The following NRG3 variants were observed in gnomAD, a reference collection of about 807,000 sequenced individuals.
NRG3 encodes neuregulin 3.
NRG3 carries 31 observed loss-of-function variants against 66.9 expected under a neutral mutation model. That is an observed-to-expected ratio of 0.46 (90% CI 0.35 to 0.63). The LOEUF (loss-of-function observed/expected upper bound fraction) is 0.63, where lower values mean the gene tolerates loss of function less well. Among genes scored for constraint, NRG3 ranks in the 20% least tolerant of loss-of-function variants. NRG3 has a pLI of 0.00. For synonymous variants in NRG3, 393 were observed against 359.4 expected (o/e 1.09, Z -1.06); for missense variants, 910 against 878.9 (o/e 1.04, Z -0.45).
chr10:82,652,677 G>T (rs767199390), intron 2 of NRG3, among the ~76,000 whole-genome samples: 10 of 152,146 alleles, frequency 6.6e-5, no homozygotes, highest in Non-Finnish European at 1.0e-4. Flanking sequence ...GGAAAACAGG[G>T]ATGTCAGTTC....
intron 1 of NRG3, among the ~76,000 whole-genome samples, chr10:81,917,917 C>T (rs763888659): frequency 7.2e-5 from 11 of 152,158 alleles, no homozygotes; most frequent in Non-Finnish European, 1.0e-4. Context: ...TTTCTCTTTT[C>T]GCATGTTTTA....
chr10:82,713,415 G>T (rs2056793416), intron 2 of NRG3, among the ~76,000 whole-genome samples: 1 of 152,124 alleles, frequency 6.6e-6, no homozygotes, highest in Non-Finnish European at 1.5e-5. Context: ...TTTCAGTATG[G>T]TTAAAGGTAG....
intron 4 of NRG3, among the ~76,000 whole-genome samples, chr10:82,893,619 A>G (rs540010416): frequency 1.3e-5 from 2 of 152,092 alleles, no homozygotes; most frequent in African/African-American, 4.8e-5. Context: ...ACCAGGGAGT[A>G]GGAGGTTGCA....
intron 2 of NRG3, among the ~76,000 whole-genome samples, chr10:82,456,017 T>A (rs573683653): frequency 6.6e-6 from 1 of 152,312 alleles, no homozygotes; most frequent in Non-Finnish European, 1.5e-5. Flanking sequence ...ATTGTTTCAC[T>A]TTTTGCCTCT....
chr10:82,649,657 T>C (rs1339226712), intron 2 of NRG3, among the ~76,000 whole-genome samples: 1 of 151,950 alleles, frequency 6.6e-6, no homozygotes, highest in African/African-American at 2.4e-5. Flanking sequence ...TTTCACCATG[T>C]TGGCCAGACT....
chr10:82,174,198 A>G (rs1171658776), intron 1 of NRG3, among the ~76,000 whole-genome samples: 2 of 152,166 alleles, frequency 1.3e-5, no homozygotes, highest in Non-Finnish European at 1.5e-5. Flanking sequence ...TTGAAAGACT[A>G]GTAGTCCCAT....
chr10:82,547,045 G>A (rs142239518), intron 2 of NRG3, among the ~76,000 whole-genome samples: 3,900 of 151,990 alleles, frequency 0.026, 65 homozygotes, highest in Non-Finnish European at 0.036. Flanking sequence ...AAAAGATTAA[G>A]CAATCTATGC....
chr10:82,414,812 T>G (rs2088411909), intron 2 of NRG3, among the ~76,000 whole-genome samples: 1 of 152,118 alleles, frequency 6.6e-6, no homozygotes, highest in South Asian at 2.1e-4. Flanking sequence ...TGTTGGCAAG[T>G]TCAAAGCCTG....
At chr10:82,121,137 C>T (rs2068064115) in intron 1 of NRG3, among the ~76,000 whole-genome samples, 1 of 152,050 alleles carries the variant, frequency 6.6e-6, no homozygotes, top group South Asian at 2.1e-4. Flanking sequence ...TACCCATCTG[C>T]TCTGTGTAAC....
At chr10:82,168,323 C>G (rs1054422254) in intron 1 of NRG3, among the ~76,000 whole-genome samples, 2 of 152,066 alleles carry the variant, frequency 1.3e-5, no homozygotes, top group Non-Finnish European at 2.9e-5. Context: ...TTTGGCTTCT[C>G]TCTTGGAAGA....
At chr10:82,017,077 C>T (rs940259636) in intron 1 of NRG3, among the ~76,000 whole-genome samples, 17 of 152,220 alleles carry the variant, frequency 1.1e-4, no homozygotes, top group South Asian at 1.0e-3. Context: ...AATGCTATCC[C>T]TCTCCCCTCT....
chr10:82,108,094 T>C (rs2067177261), intron 1 of NRG3, among the ~76,000 whole-genome samples: 1 of 152,208 alleles, frequency 6.6e-6, no homozygotes, highest in African/African-American at 2.4e-5. Context: ...GCCACTTAAA[T>C]GTGACACCAA....
intron 3 of NRG3, among the ~76,000 whole-genome samples, chr10:82,806,739 T>A (rs2061301372): frequency 6.6e-6 from 1 of 152,208 alleles, no homozygotes; most frequent in Non-Finnish European, 1.5e-5. Flanking sequence ...GAGAAGATGA[T>A]GTAGATGACA....
intron 1 of NRG3, among the ~76,000 whole-genome samples, chr10:82,242,761 A>G (rs1214654465): frequency 6.6e-6 from 1 of 152,080 alleles, no homozygotes; most frequent in Admixed American, 6.6e-5. Context: ...GTGTTTCCCA[A>G]ATGTTGTGTT....
intron 1 of NRG3, among the ~76,000 whole-genome samples, chr10:82,181,047 G>T (rs2073384538): frequency 6.6e-6 from 1 of 151,448 alleles, no homozygotes; most frequent in African/African-American, 2.4e-5. Context: ...CCATTTGTTG[G>T]TGTTTAATTA....
intron 2 of NRG3, among the ~76,000 whole-genome samples, chr10:82,510,319 T>C (rs1212822703): frequency 6.6e-6 from 1 of 152,164 alleles, no homozygotes; most frequent in Non-Finnish European, 1.5e-5. Context: ...ATTTGTTAGA[T>C]AAATTTCAAA....
At chr10:82,449,816 C>T (rs1260864092) in intron 2 of NRG3, among the ~76,000 whole-genome samples, 1 of 152,154 alleles carries the variant, frequency 6.6e-6, no homozygotes, top group African/African-American at 2.4e-5. Flanking sequence ...CTGTCTGTAT[C>T]AAGGGCAGTG....
intron 1 of NRG3, among the ~76,000 whole-genome samples, chr10:82,239,771 A>G (rs1589434586): frequency 6.6e-6 from 1 of 151,982 alleles, no homozygotes; most frequent in African/African-American, 2.4e-5. Context: ...TAAGATTTAG[A>G]TTTTTATTCC....
chr10:82,004,028 CACACACA>C (rs1278933652), intron 1 of NRG3, among the ~76,000 whole-genome samples: 45 of 145,742 alleles, frequency 3.1e-4, no homozygotes, highest in African/African-American at 1.1e-3. Context: ...CACACACACA[CACACACA>C]GATACCTTAG....
Sources: gnomAD v4.1 joint callset for allele counts (sites outside exome capture counted in the v4.1 genomes callset) on GRCh38, gnomAD v4.1.1 for gene constraint, MANE v1.5 for transcripts, NCBI Gene and HGNC (gene_info 2026-07-23, HGNC 2026-07-21) for gene names.